KDM4C: variants seen among roughly 807,000 people sequenced by gnomAD.
KDM4C encodes lysine demethylase 4C.
KDM4C carries 81 observed loss-of-function variants against 129.3 expected under a neutral mutation model. The observed-to-expected ratio is 0.63, with a 90% confidence interval of 0.52 to 0.75. The LOEUF is 0.75. Ranked by LOEUF, KDM4C falls within the 30% of genes least tolerant of loss-of-function variation. KDM4C has a pLI of 0.00. For synonymous variants in KDM4C, 573 were observed against 456.1 expected, an observed-to-expected ratio of 1.26 and a Z score of -3.26; for missense variants, 1,457 against 1,304.0, an observed-to-expected ratio of 1.12 and a Z score of -1.81.
chr9:6,873,477 A>G (rs1843079024), intron 5 of KDM4C, among the ~76,000 whole-genome samples: 1 of 152,218 alleles, frequency 6.6e-6, no homozygotes, highest in East Asian at 1.9e-4. Context: ...GTCTATTAAT[A>G]CATCAGCAGC....
chr9:6,936,154 A>G (rs1037357409), intron 8 of KDM4C, among the ~76,000 whole-genome samples: 3 of 152,316 alleles, frequency 2.0e-5, no homozygotes, highest in Non-Finnish European at 2.9e-5. Context: ...AGAAGGGAAA[A>G]AATTCCATAA....
chr9:6,884,657 T>C (rs1844982988), intron 6 of KDM4C, among the ~76,000 whole-genome samples: 1 of 152,228 alleles, frequency 6.6e-6, no homozygotes, highest in Admixed American at 6.5e-5. Flanking sequence ...CTCCTTTGTT[T>C]CTTGTCTTTC....
intron 15 of KDM4C, among the ~76,000 whole-genome samples, chr9:7,033,906 A>G (rs1378326114): frequency 2.0e-5 from 3 of 152,152 alleles, no homozygotes; most frequent in Non-Finnish European, 2.9e-5. Flanking sequence ...CTCTTTTGCA[A>G]TGAGGAGAGA....
intron 7 of KDM4C, among the ~76,000 whole-genome samples, chr9:6,891,892 GTA>G (rs1846163336): frequency 6.6e-6 from 1 of 151,980 alleles, no homozygotes; most frequent in Non-Finnish European, 1.5e-5. Context: ...GGATATACAG[GTA>G]TATGCATTTG....
chr9:7,004,824 G>A (rs1383571907), intron 12 of KDM4C, among the ~76,000 whole-genome samples: 1 of 152,166 alleles, frequency 6.6e-6, no homozygotes, highest in African/African-American at 2.4e-5. Flanking sequence ...ACATTACAGT[G>A]TTTAAGCATA....
chr9:6,930,882 T>C (rs941867865), intron 8 of KDM4C, among the ~76,000 whole-genome samples: 1 of 152,086 alleles, frequency 6.6e-6, no homozygotes, highest in African/African-American at 2.4e-5. Flanking sequence ...CCTGGGGAAT[T>C]TGCAAAAATG....
chr9:6,906,541 A>G (rs1818352888), intron 8 of KDM4C, among the ~76,000 whole-genome samples: 1 of 152,206 alleles, frequency 6.6e-6, no homozygotes, highest in Non-Finnish European at 1.5e-5. Flanking sequence ...CTGGGACTAC[A>G]GGTGCTCCCA....
At chr9:7,102,605 A>T (rs1224921937) in intron 17 of KDM4C, among the ~76,000 whole-genome samples, 1 of 152,146 alleles carries the variant, frequency 6.6e-6, no homozygotes, top group Non-Finnish European at 1.5e-5. Context: ...TAAGTCACCG[A>T]TCAGATGTGA....
At chr9:6,903,790 C>T (rs1002512227) in intron 8 of KDM4C, among the ~76,000 whole-genome samples, 2 of 151,878 alleles carry the variant, frequency 1.3e-5, no homozygotes, top group African/African-American at 4.8e-5. Flanking sequence ...TTAATGGCAC[C>T]CTTTCTAGTT....
intron 15 of KDM4C, among the ~76,000 whole-genome samples, chr9:7,040,603 A>G (rs1033815517): frequency 1.3e-5 from 2 of 151,930 alleles, no homozygotes; most frequent in Non-Finnish European, 2.9e-5. Context: ...TTAGATTTTT[A>G]TCACACTGAG....
intron 19 of KDM4C, among the ~76,000 whole-genome samples, chr9:7,154,190 G>C (rs1041440502): frequency 2.6e-5 from 4 of 152,224 alleles, no homozygotes; most frequent in African/African-American, 9.6e-5. Flanking sequence ...ACAGATGACA[G>C]ATAGCCACTA....
At position 7,035,796 on chromosome 9, in the gene KDM4C, G is replaced by C. The variant is rs541745334; in HGVS notation, c.2260-11066G>C. On this transcript the variant is annotated intron_variant, in intron 15 of 21. Coordinates refer to ENST00000381309, the MANE Select transcript of KDM4C (RefSeq NM_015061.6). The stretch of plus-strand genomic sequence containing the variant: ...CCTTTGTCCAAATCGTATGACTGTA[G>C]ATATGTGGGGTAATTTCTGGGCTCT... 5.3e-5 allele frequency among the ~76,000 whole-genome samples: 8 copies of C among 152,274 alleles called. No individual in the cohort carries two copies. In the South Asian group the frequency reaches 1.7e-3, roughly 32 times the overall value.
At chr9:6,898,383 T>A (rs962254539) in intron 8 of KDM4C, among the ~76,000 whole-genome samples, 2 of 152,232 alleles carry the variant, frequency 1.3e-5, no homozygotes, top group African/African-American at 2.4e-5. Context: ...TTACAGTGTG[T>A]GCAGTGAAAG....
At chr9:7,024,887 T>C (rs1004491640) in intron 15 of KDM4C, among the ~76,000 whole-genome samples, 3 of 152,214 alleles carry the variant, frequency 2.0e-5, no homozygotes, top group South Asian at 2.1e-4. Flanking sequence ...TTTGTAGTTC[T>C]AGATCCCTGA....
intron 19 of KDM4C, among the ~76,000 whole-genome samples, chr9:7,159,096 G>C (rs1175057873): frequency 3.9e-5 from 6 of 152,132 alleles, no homozygotes; most frequent in Non-Finnish European, 8.8e-5. Context: ...ATTATGTAAT[G>C]GCCTTCTTTG....
chr9:7,172,030 T>G (rs1186805989), intron 21 of KDM4C, among the ~76,000 whole-genome samples: 1 of 152,182 alleles, frequency 6.6e-6, no homozygotes. Context: ...CTCCCCTGGG[T>G]TGGTACATAG....
At chr9:7,070,934 G>A (rs1476653034) in intron 17 of KDM4C, among the ~76,000 whole-genome samples, 2 of 151,998 alleles carry the variant, frequency 1.3e-5, no homozygotes, top group African/African-American at 4.8e-5. Context: ...AAGTCCCAAA[G>A]GTTTACAAAA....
At chr9:6,808,025 C>T (rs1830436389) in intron 3 of KDM4C, among the ~76,000 whole-genome samples, 1 of 114,382 alleles carries the variant, frequency 8.7e-6, no homozygotes, top group Admixed American at 7.8e-5. Flanking sequence ...CCAGCCGCCC[C>T]GTCCGGGAGG....
At chr9:7,170,589 G>A (rs1844858937) in intron 21 of KDM4C, 2 of 951,270 alleles carry the variant, frequency 2.1e-6, no homozygotes, top group African/African-American at 1.8e-5. Flanking sequence ...AAAATATTCA[G>A]TGGACCCTGA....
Sources: allele counts gnomAD v4.1 joint callset (sites outside exome capture counted in the v4.1 genomes callset), GRCh38; gene constraint gnomAD v4.1.1; transcripts MANE v1.5; gene names NCBI Gene and HGNC (gene_info 2026-07-23, HGNC 2026-07-21).